ABCC1: variants seen among roughly 807,000 people sequenced by gnomAD.
ABCC1 encodes the protein multidrug resistance-associated protein 1.
A neutral mutation model predicts 172.9 loss-of-function variants in ABCC1; 83 were observed. The observed-to-expected ratio is 0.48, with a 90% confidence interval of 0.40 to 0.58. The LOEUF (loss-of-function observed/expected upper bound fraction) is 0.58. Ranked by LOEUF, ABCC1 falls within the 20% of genes least tolerant of loss-of-function variation. ABCC1 has a pLI of 0.00. For synonymous variants in ABCC1, 937 were observed against 825.2 expected (o/e 1.14, Z -2.32); for missense variants, 1,817 against 2,002.7 (o/e 0.91, Z 1.77).
intron 15 of ABCC1, 60 bp from the exon 16 acceptor site, chr16:16,079,290 TGG>T: frequency 6.3e-7 from 1 of 1,592,732 alleles, no homozygotes; most frequent in Non-Finnish European, 8.6e-7. Context: ...TCGGTGGCCA[TGG>T]GCATTAGCCC....
chr16:16,071,376 G>A (rs2050342468), intron 13 of ABCC1, among the ~76,000 whole-genome samples: 1 of 151,986 alleles, frequency 6.6e-6, no homozygotes, highest in South Asian at 2.1e-4. Context: ...GGGATTACAG[G>A]TTTGAGCTAC....
chr16:16,069,700 G>T (rs895375809), intron 13 of ABCC1, among the ~76,000 whole-genome samples: 1 of 151,678 alleles, frequency 6.6e-6, no homozygotes, highest in African/African-American at 2.4e-5. Flanking sequence ...ATAGCTTAAA[G>T]TTTGTAAACT....
rs1307256288 is a variant in ABCC1 at position 16,016,612 on chromosome 16, C to G, written c.606C>G (p.Ile202Met). The change falls in exon 5 of 31, where the codon ATC becomes ATG. Residue 202 changes from isoleucine to methionine, a missense_variant. Transcript: ENST00000399410. ...SDRSPLFSET[I>M]HDPNPCPESS... is the part of the protein sequence containing the mutation. ...GCTCACCCCTGTTCTCGGAAACCAT[C>G]CACGACCCTGTAAGTGTGACCACAG... The G allele has an allele frequency of 1.9e-6, 3 of 1,614,034 alleles. No homozygotes were observed. Among genetic ancestry groups the G allele is most frequent in the Admixed American group, 1.7e-5 (1 of 59,986 alleles).
At chr16:16,027,468 G>T (rs2048413786) in intron 5 of ABCC1, among the ~76,000 whole-genome samples, 2 of 152,080 alleles carry the variant, frequency 1.3e-5, no homozygotes, top group South Asian at 4.1e-4. Flanking sequence ...ACCCACTGGG[G>T]TTTTTTCCCC....
In ABCC1 at chr16:16,068,320, G is replaced by T. The variant is rs2050193348; in HGVS notation, c.1824+18G>T. ...TCGTGCAGGTACAGGGGGAAGCTGGGGCGACTTCCGAGAGGGGGCCTTGGG... is the reference window on the plus strand; with the variant it reads ...TCGTGCAGGTACAGGGGGAAGCTGGTGCGACTTCCGAGAGGGGGCCTTGGG... On this transcript the variant is annotated intron_variant, in intron 13 of 30. Transcript: ENST00000399410. 6.2e-7 allele frequency: 1 copy of T among 1,612,808 alleles called. No homozygotes were observed. The highest frequency in any genetic ancestry group is 1.1e-5 in the South Asian group (1 of 91,048).
chr16:16,020,029 C>A (rs2048140307), intron 5 of ABCC1, among the ~76,000 whole-genome samples: 2 of 152,202 alleles, frequency 1.3e-5, no homozygotes, highest in Non-Finnish European at 1.5e-5. Flanking sequence ...TCAAGCAATT[C>A]TCCTGCCTCA....
chr16:15,978,047 TAA>T lies in ABCC1; in HGVS notation c.48+28249_48+28250del, dbSNP rs575638778. Among the ~76,000 whole-genome samples, 187 of 152,148 alleles carry T rather than the reference TAA, an allele frequency of 1.2e-3. 1 individual carries two copies. The highest frequency in any genetic ancestry group is 1.0e-2 in the South Asian group (48 of 4,816). On this transcript the variant is annotated intron_variant, in intron 1 of 30. Transcript: ENST00000399410. ...AATGGGGTGAAAATGAAATAATATA[TAA>T]GTCTCGTCTTCACAATGTCTCTGAT...
chr16:16,067,048 C>T (rs1048028854), intron 12 of ABCC1, among the ~76,000 whole-genome samples: 24 of 151,940 alleles, frequency 1.6e-4, no homozygotes, highest in African/African-American at 3.4e-4. Flanking sequence ...CCCAGGTGTT[C>T]GAGAACAGCC....
chr16:15,989,610 G>A lies in ABCC1; in HGVS notation c.49-18206G>A, dbSNP rs556143594. ...GTGTGGCATTTAGGAGCACCCTGTC[G>A]TCTTGCCTTTCGTCCCTCCAAGCCC... On this transcript the variant is annotated intron_variant, in intron 1 of 30. Coordinates refer to ENST00000399410, the MANE Select transcript of ABCC1 (RefSeq NM_004996.4). Among the ~76,000 whole-genome samples, 9 of 152,170 alleles carry A rather than the reference G, an allele frequency of 5.9e-5. 1 individual carries two copies. The South Asian group carries it at 1.7e-3, about 28-fold the overall frequency.
intron 5 of ABCC1, among the ~76,000 whole-genome samples, chr16:16,017,089 G>C (rs1567317350): frequency 6.6e-6 from 1 of 152,006 alleles, no homozygotes; most frequent in Non-Finnish European, 1.5e-5. Context: ...GCCCCTGAGG[G>C]ATTTGAGTGT....
chr16:15,987,283 T>C (rs1463963372), intron 1 of ABCC1, among the ~76,000 whole-genome samples: 4 of 152,236 alleles, frequency 2.6e-5, no homozygotes, highest in African/African-American at 4.8e-5. Flanking sequence ...AAAGTGCTTA[T>C]TTGCATAATG....
At chr16:15,994,075 C>A (rs1429447714) in intron 1 of ABCC1, among the ~76,000 whole-genome samples, 1 of 152,064 alleles carries the variant, frequency 6.6e-6, no homozygotes, top group African/African-American at 2.4e-5. Context: ...AAAAATTAGC[C>A]AGGCATGGTG....
chr16:16,099,388 G>A (rs993859711), intron 19 of ABCC1, among the ~76,000 whole-genome samples: 10 of 152,296 alleles, frequency 6.6e-5, no homozygotes, highest in African/African-American at 2.2e-4. Context: ...TCGCCTAGTG[G>A]AATTCCAGTG....
intron 26 of ABCC1, among the ~76,000 whole-genome samples, chr16:16,128,636 T>C (rs1455075689): frequency 6.6e-6 from 1 of 152,210 alleles, no homozygotes; most frequent in African/African-American, 2.4e-5. Flanking sequence ...TGTGTTGTTA[T>C]AGCATCTCCC....
At chr16:16,026,790 G>A (rs886294236) in intron 5 of ABCC1, among the ~76,000 whole-genome samples, 1 of 152,018 alleles carries the variant, frequency 6.6e-6, no homozygotes, top group African/African-American at 2.4e-5. Context: ...GGTGGCAGAT[G>A]CCTATAATCC....
chr16:15,972,329 C>G (rs2046388409), intron 1 of ABCC1, among the ~76,000 whole-genome samples: 1 of 152,160 alleles, frequency 6.6e-6, no homozygotes, highest in African/African-American at 2.4e-5. Flanking sequence ...AGAAACAGCC[C>G]TACTTCAGCA....
intron 11 of ABCC1, among the ~76,000 whole-genome samples, chr16:16,053,684 G>T (rs547793840): frequency 1.4e-5 from 2 of 147,468 alleles, no homozygotes; most frequent in South Asian, 4.3e-4. Context: ...CTACTTGGGA[G>T]GCTGAAGCAT....
chr16:16,042,719 A>T (rs979324465), intron 7 of ABCC1, among the ~76,000 whole-genome samples: 2 of 148,996 alleles, frequency 1.3e-5, no homozygotes, highest in African/African-American at 5.0e-5. Context: ...AAAAAAAAAA[A>T]TCCCTATAAG....
intron 1 of ABCC1, among the ~76,000 whole-genome samples, chr16:15,953,786 T>A (rs1344859108): frequency 6.6e-6 from 1 of 152,116 alleles, no homozygotes; most frequent in African/African-American, 2.4e-5. Flanking sequence ...CCCCTGAATA[T>A]CTGACTTAGC....
Sources: gnomAD v4.1 joint callset for allele counts (sites outside exome capture counted in the v4.1 genomes callset) on GRCh38, gnomAD v4.1.1 for gene constraint, MANE v1.5 for transcripts, NCBI Gene and HGNC (gene_info 2026-07-23, HGNC 2026-07-21) for gene names.